The following GATD1 variants were observed in gnomAD, a reference collection of about 807,000 sequenced individuals.
The protein encoded by GATD1 is glutamine amidotransferase class 1 domain containing 1.
In GATD1, 23 loss-of-function variants were observed where a neutral mutation model predicts 25.9. That is an observed-to-expected ratio of 0.89 (90% CI 0.64 to 1.26). GATD1 has a LOEUF of 1.26. Among genes scored for constraint, GATD1 ranks in the 50% most tolerant of loss-of-function variants. The pLI, the probability that GATD1 is intolerant of heterozygous loss-of-function variation, is 0.00. For missense variants in GATD1, 347 were observed against 312.5 expected (o/e 1.11, Z -0.83); for synonymous variants, 177 against 134.6 (o/e 1.31, Z -2.18).
At position 767,637 on chromosome 11, in the gene GATD1, CA is replaced by C; in HGVS notation, c.*3259del. 7.6e-7 allele frequency: 1 copy of C among 1,314,560 alleles called. No homozygotes were observed. The highest frequency in any genetic ancestry group is 9.7e-7 in the Non-Finnish European group (1 of 1,031,482). 81.4% of individuals were successfully genotyped at this position (1,314,560 alleles called of 1,614,324 possible). On this transcript the variant is annotated 3_prime_UTR_variant, in exon 8 of 8. Coordinates refer to ENST00000319863, the MANE Select transcript of GATD1 (RefSeq NM_182612.4). ...CTGCTGTGGCCTGAGCACGTCCCCC[CA>C]AAACCCACCTGCTTAAGTCCTCACC...
At chr11:774,285 G>C (rs1863746120) in intron 2 of GATD1, among the ~76,000 whole-genome samples, 172 bp from the exon 3 acceptor site, 1 of 152,230 alleles carries the variant, frequency 6.6e-6, no homozygotes, top group African/African-American at 2.4e-5. Flanking sequence ...GCCTGTCCCA[G>C]CAGCAGCCTC....
chr11:773,308 G>T, intron 4 of GATD1: 1 of 519,328 alleles, frequency 1.9e-6, no homozygotes, highest in Non-Finnish European at 3.4e-6. Context: ...CCCACCCAGA[G>T]GCCTGCAAGA....
chr11:773,948 AACCCTTG>A (rs762144066), intron 3 of GATD1, 53 bp downstream of exon 3: 6 of 1,491,780 alleles, frequency 4.0e-6, no homozygotes, highest in Non-Finnish European at 5.6e-6. Context: ...ACCTATCTGG[AACCCTTG>A]ACCCTCCAAG....
At chr11:775,237 G>A (rs1863846761) in intron 1 of GATD1, 95 bp from the exon 2 acceptor site, 3 of 1,017,394 alleles carry the variant, frequency 2.9e-6, no homozygotes, top group African/African-American at 3.2e-5. Flanking sequence ...ACTGACCCCA[G>A]AACACGCTGA....
In GATD1 at chr11:775,070, G is replaced by C; in HGVS notation, c.137C>G (p.Pro46Arg). The C allele has an allele frequency of 2.5e-6, 4 of 1,602,530 alleles. No homozygotes were observed. Among genetic ancestry groups the C allele is most frequent in the Non-Finnish European group, 3.4e-6 (4 of 1,175,896 alleles). Residue 46 changes from proline (P) to arginine (R), a missense_variant, in exon 2 of 8, where the codon CCT (proline) becomes CGT (arginine). Coordinates refer to ENST00000319863, the MANE Select transcript of GATD1 (RefSeq NM_182612.4). ...GGAAGGAGAGGCTGGACTTACCCCA[G>C]GGGTGGCCACCTGCAGGTTGAAGGC... ...STAFNLQVAT[P>R]GGKAMEFVDV...
chr11:772,904 G>A (rs1019760542), intron 4 of GATD1, among the ~76,000 whole-genome samples: 1 of 152,350 alleles, frequency 6.6e-6, no homozygotes, highest in South Asian at 2.1e-4. Context: ...GGCTAGACAG[G>A]ACGCCCCTGG....
At chr11:777,313 C>G (rs1864101052) in intron 1 of GATD1, 86 bp downstream of exon 1, 1 of 1,076,338 alleles carries the variant, frequency 9.3e-7, no homozygotes, top group Non-Finnish European at 1.2e-6. Flanking sequence ...CCACGTGACG[C>G]GCGCCCACCG....
intron 1 of GATD1, 56 bp downstream of exon 1, chr11:777,343 C>A: frequency 8.2e-7 from 1 of 1,220,778 alleles, no homozygotes; most frequent in Non-Finnish European, 1.0e-6. Flanking sequence ...CCTCCCGCCC[C>A]GGGCAGCCCC....
intron 1 of GATD1, chr11:776,536 A>T (rs936124238): frequency 1.6e-5 from 2 of 122,142 alleles, no homozygotes; most frequent in Non-Finnish European, 3.6e-5. Context: ...GGCTCCTCCC[A>T]CCCGCAGTCT....
In GATD1 at chr11:770,757, C is replaced by G. The variant is rs1173551562; in HGVS notation, c.*140G>C. 1.0e-5 allele frequency: 15 copies of G among 1,506,534 alleles called. No homozygotes were observed. The highest frequency in any genetic ancestry group is 1.2e-5 in the Non-Finnish European group (14 of 1,132,902). The allele number at this position is 1,506,534 out of a possible 1,614,324, so 93.3% of individuals were successfully genotyped here. A position where few individuals can be genotyped will look rare whatever the true frequency, so the allele number is the denominator to read the frequency against. ...CCTCAGAGCTGATTCCAGGAGGCCT[C>G]CAACAATCCCATCAGGGCCAGACCA... On this transcript the variant is annotated 3_prime_UTR_variant, in exon 8 of 8. Transcript: ENST00000319863.
At position 771,328 on chromosome 11, in the gene GATD1, C is replaced by A. The variant is rs367547132; in HGVS notation, c.544+5G>T. On this transcript the variant is annotated splice_donor_5th_base_variant and intron_variant, in intron 6 of 7. Coordinates refer to ENST00000319863, the MANE Select transcript of GATD1 (RefSeq NM_182612.4). ...GTAAGTGCAGGGGGCACCCTCGAGG[C>A]TCACCACTGAAGCAGGCGCCCGAAT... The A allele has an allele frequency of 7.5e-6, 12 of 1,603,440 alleles. No individual in the cohort carries two copies. The highest frequency in any genetic ancestry group is 8.5e-6 in the Non-Finnish European group (10 of 1,175,464).
intron 4 of GATD1, 35 bp from the exon 5 acceptor site, chr11:772,556 C>T (rs369451728): frequency 2.2e-5 from 35 of 1,580,956 alleles, no homozygotes; most frequent in Non-Finnish European, 2.8e-5. Flanking sequence ...GCCCTGGACC[C>T]CGCCACCCGC....
At chr11:772,569 C>T in intron 4 of GATD1, 48 bp from the exon 5 acceptor site, 1 of 1,540,618 alleles carries the variant, frequency 6.5e-7, no homozygotes, top group South Asian at 1.1e-5. Flanking sequence ...CCACCCGCAC[C>T]CTGAAGCCCC....
rs1016905071 is a variant in GATD1, at chr11:770,339, T to G, written c.*558A>C. On this transcript the variant is annotated 3_prime_UTR_variant, in exon 8 of 8. Transcript: ENST00000319863. ...ACTTTGAAACCACACGCCAGGAAGA[T>G]TTCTTCAACAGGAAAGTGCTGCCAG... is the stretch of plus-strand genomic sequence containing the variant. 1.3e-6 allele frequency: 2 copies of G among 1,534,366 alleles called. No homozygotes were observed. The highest frequency in any genetic ancestry group is 2.0e-5 in the Admixed American group (1 of 50,732).
In GATD1 at chr11:771,123, A is replaced by G; in HGVS notation, c.545-19T>C. ...TCGCTTGCTGGGGAGGACCGAGGGC[A>G]CCAACCTCAGGCAATGTCCACCTCA... is the stretch of plus-strand genomic sequence containing the variant. On this transcript the variant is annotated intron_variant, in intron 6 of 7. Coordinates refer to ENST00000319863, the MANE Select transcript of GATD1 (RefSeq NM_182612.4). The G allele has an allele frequency of 6.4e-7, 1 of 1,571,436 alleles. No homozygotes were observed. The highest frequency in any genetic ancestry group is 1.7e-4 in the Middle Eastern group (1 of 6,016).
rs781343525 is a variant in GATD1, at chr11:771,319, C to T, written c.544+14G>A. On this transcript the variant is annotated intron_variant, in intron 6 of 7. Transcript: ENST00000319863. ...CCATCTTCTGTAAGTGCAGGGGGCA[C>T]CCTCGAGGCTCACCACTGAAGCAGG... 2.5e-6 allele frequency: 4 copies of T among 1,603,558 alleles called. No homozygotes were observed. Among genetic ancestry groups the T allele is most frequent in the East Asian group, 2.2e-5 (1 of 44,726 alleles).
rs375345802 is a variant in GATD1, at chr11:777,111, C to T, written c.64+288G>A. ...GTCGGGCCCGGGCCGCCTCGCCGGGCAGACGAGACTCGGAGGAGCGACGCG... is the reference window on the plus strand; with the variant it reads ...GTCGGGCCCGGGCCGCCTCGCCGGGTAGACGAGACTCGGAGGAGCGACGCG... On this transcript the variant is annotated intron_variant, in intron 1 of 7. Coordinates refer to ENST00000319863, the MANE Select transcript of GATD1 (RefSeq NM_182612.4). 5.9e-4 allele frequency: 157 copies of T among 264,076 alleles called. 1 individual carries two copies. The East Asian group carries it at 9.6e-3, about 16-fold the overall frequency. The allele number at this position is 264,076 out of a possible 1,614,324, so 16.4% of individuals were successfully genotyped here. A position where few individuals can be genotyped will look rare whatever the true frequency, so the allele number is the denominator to read the frequency against.
At chr11:774,380 T>C (rs1182658515) in intron 2 of GATD1, among the ~76,000 whole-genome samples, 1 of 152,228 alleles carries the variant, frequency 6.6e-6, no homozygotes, top group African/African-American at 2.4e-5. Context: ...AAATACATAA[T>C]GCATCCTTAC....
Position 769,908 on chromosome 11 carries a change from G to A in GATD1, c.*989C>T, listed in dbSNP as rs573309658. On this transcript the variant is annotated 3_prime_UTR_variant, in exon 8 of 8. Transcript: ENST00000319863. The stretch of plus-strand genomic sequence containing the variant: ...TGGGGTTACAGGTGTGAGCCACTGC[G>A]CCCGGCCCAACTGAACGGTTTTATA... 330 of 989,378 alleles carry A rather than the reference G, an allele frequency of 3.3e-4. No homozygotes were observed. Among genetic ancestry groups the A allele is most frequent in the Admixed American group, 2.3e-3 (37 of 16,382 alleles). 61.3% of individuals were successfully genotyped at this position (989,378 alleles called of 1,614,324 possible).
Sources: allele counts gnomAD v4.1 joint callset (sites outside exome capture counted in the v4.1 genomes callset), GRCh38; gene constraint gnomAD v4.1.1; transcripts MANE v1.5; gene names NCBI Gene and HGNC (gene_info 2026-07-23, HGNC 2026-07-21).